MTMR7: variants seen among roughly 807,000 people sequenced by gnomAD.
The protein encoded by MTMR7 is phosphatidylinositol-3-phosphate phosphatase MTMR7.
In MTMR7, 76 loss-of-function variants were observed where a neutral mutation model predicts 81.2. The ratio of observed to expected loss-of-function variants is 0.94; its 90% CI spans 0.78 to 1.13. MTMR7 has a LOEUF of 1.13. Among genes scored for constraint, MTMR7 ranks in the 50% most tolerant of loss-of-function variants. MTMR7 has a pLI of 0.00. For synonymous variants in MTMR7, 372 were observed against 289.8 expected (o/e 1.28, Z -2.88); for missense variants, 1,044 against 820.0 (o/e 1.27, Z -3.34).
intron 5 of MTMR7, among the ~76,000 whole-genome samples, chr8:17,342,455 T>C (rs1426043825): frequency 6.6e-6 from 1 of 152,202 alleles, no homozygotes; most frequent in Non-Finnish European, 1.5e-5. Context: ...TGTCACAGCC[T>C]GTTCAGCGTG....
chr8:17,320,194 G>C (rs1818312606), intron 7 of MTMR7, among the ~76,000 whole-genome samples: 1 of 152,006 alleles, frequency 6.6e-6, no homozygotes, highest in South Asian at 2.1e-4. Flanking sequence ...CCACCAGAAA[G>C]TTTAAAATTC....
chr8:17,314,644 T>G (rs1415961212), intron 7 of MTMR7, among the ~76,000 whole-genome samples: 1 of 152,230 alleles, frequency 6.6e-6, no homozygotes, highest in Non-Finnish European at 1.5e-5. Context: ...AGTTAAATTC[T>G]GAGTCATAGA....
chr8:17,363,165 G>A (rs1220506463), intron 3 of MTMR7, among the ~76,000 whole-genome samples: 1 of 152,188 alleles, frequency 6.6e-6, no homozygotes, highest in East Asian at 1.9e-4. Context: ...CTGACAGCAT[G>A]TGAAACCTCA....
Position 17,365,895 on chromosome 8 carries a change from A to C in MTMR7, c.311-4621T>G, listed in dbSNP as rs532804753. Among the ~76,000 whole-genome samples the C allele has an allele frequency of 1.4e-4, 22 of 152,320 alleles. No homozygotes were observed. In the South Asian group the frequency reaches 4.4e-3, roughly 30 times the overall value. On this transcript the variant is annotated intron_variant, in intron 3 of 13. Transcript: ENST00000180173. ...GAGTAACAGTTTGGCTGTTTCTAGG[A>C]AGACCAAATCAGTGTTTCAGTTGAA...
At chr8:17,412,163 C>T (rs571389179) in intron 1 of MTMR7, among the ~76,000 whole-genome samples, 17 of 152,314 alleles carry the variant, frequency 1.1e-4, no homozygotes, top group African/African-American at 3.4e-4. Context: ...TAAAAGATTT[C>T]TTCTTCCAAT....
At chr8:17,392,003 G>T (rs1200323473) in intron 1 of MTMR7, among the ~76,000 whole-genome samples, 1 of 152,122 alleles carries the variant, frequency 6.6e-6, no homozygotes, top group Non-Finnish European at 1.5e-5. Flanking sequence ...CCTGGCCTAA[G>T]AAATATGGTA....
At chr8:17,409,711 G>A (rs952479683) in intron 1 of MTMR7, among the ~76,000 whole-genome samples, 1 of 152,270 alleles carries the variant, frequency 6.6e-6, no homozygotes, top group East Asian at 1.9e-4. Flanking sequence ...AAAACACAAG[G>A]TGTTATGATA....
rs369116139 is a variant in MTMR7 at position 17,348,980 on chromosome 8, G to A, written c.570C>T (p.Val190=). ...GGTTATCTTTATAATAGTAAGAAAGGACAGGAAATCGCCGTCTACTCCGGA... is the reference window on the plus strand; with the variant it reads ...GGTTATCTTTATAATAGTAAGAAAGAACAGGAAATCGCCGTCTACTCCGGA... ...SKFRSRRRFP[V]LSYYYKDNHA... is the part of the protein sequence containing the mutation. Residue 190 remains valine, a synonymous_variant, in exon 5 of 14, where the codon GTC becomes GTT. Coordinates refer to ENST00000180173, the MANE Select transcript of MTMR7 (RefSeq NM_004686.5). 8.6e-5 allele frequency: 139 copies of A among 1,613,442 alleles called. No individual in the cohort carries two copies. The highest frequency in any genetic ancestry group is 1.2e-4 in the Non-Finnish European group (137 of 1,179,962).
chr8:17,357,719 A>T (rs1819939078), intron 4 of MTMR7, among the ~76,000 whole-genome samples: 2 of 152,340 alleles, frequency 1.3e-5, no homozygotes, highest in Admixed American at 1.3e-4. Flanking sequence ...AGGCAAAGGA[A>T]TAGCAATGCC....
chr8:17,374,923 T>C (rs1419305733), intron 1 of MTMR7, among the ~76,000 whole-genome samples: 2 of 151,912 alleles, frequency 1.3e-5, no homozygotes, highest in Non-Finnish European at 2.9e-5. Flanking sequence ...ACCCCGTCTC[T>C]ACTAAAAATA....
At chr8:17,349,208 G>A in intron 4 of MTMR7, 127 bp from the exon 5 acceptor site, 2 of 1,173,190 alleles carry the variant, frequency 1.7e-6, no homozygotes, top group Non-Finnish European at 2.4e-6. Flanking sequence ...TTACAGAGGA[G>A]GCTATTTCGA....
At chr8:17,307,790 A>G (rs897734493) in intron 10 of MTMR7, among the ~76,000 whole-genome samples, 1 of 152,106 alleles carries the variant, frequency 6.6e-6, no homozygotes, top group African/African-American at 2.4e-5. Flanking sequence ...GCAAGGACAA[A>G]AAAACCAAAC....
intron 3 of MTMR7, among the ~76,000 whole-genome samples, chr8:17,367,082 TA>T (rs1563361466): frequency 6.6e-6 from 1 of 152,028 alleles, no homozygotes; most frequent in African/African-American, 2.4e-5. Flanking sequence ...TACGCTCTGA[TA>T]AAAAAGAAAT....
rs533134068 is a variant in MTMR7 at position 17,366,643 on chromosome 8, T to G, written c.310+4394A>C. Among the ~76,000 whole-genome samples the G allele has an allele frequency of 1.4e-4, 21 of 152,130 alleles. 1 individual carries two copies. Among genetic ancestry groups the G allele is most frequent in the Admixed American group, 1.4e-3 (21 of 15,286 alleles). On this transcript the variant is annotated intron_variant, in intron 3 of 13. Coordinates refer to ENST00000180173, the MANE Select transcript of MTMR7 (RefSeq NM_004686.5). ...GGCTCACGCCTGTAATCCCAGCACT[T>G]TGGGAGGCCGAGGCGGGCGGATCAT...
intron 1 of MTMR7, among the ~76,000 whole-genome samples, chr8:17,377,706 T>C (rs899294140): frequency 1.3e-5 from 2 of 152,174 alleles, no homozygotes; most frequent in African/African-American, 2.4e-5. Context: ...GGTTTTATCC[T>C]GTGAATATTA....
chr8:17,310,197 C>T (rs553227636), intron 9 of MTMR7, among the ~76,000 whole-genome samples: 2 of 151,992 alleles, frequency 1.3e-5, no homozygotes, highest in East Asian at 1.9e-4. Flanking sequence ...GACGAGGTCT[C>T]GCCATGTTGC....
intron 3 of MTMR7, among the ~76,000 whole-genome samples, chr8:17,362,368 T>C (rs909063777): frequency 7.2e-5 from 11 of 152,232 alleles, no homozygotes; most frequent in African/African-American, 2.7e-4. Context: ...CCTTGGACAG[T>C]GCAGATCTAA....
intron 1 of MTMR7, among the ~76,000 whole-genome samples, chr8:17,411,008 T>C (rs1821721713): frequency 6.6e-6 from 1 of 152,162 alleles, no homozygotes; most frequent in Non-Finnish European, 1.5e-5. Flanking sequence ...CCAAGTATAA[T>C]GGAAGCAAAT....
At chr8:17,378,716 C>A (rs139403191) in intron 1 of MTMR7, among the ~76,000 whole-genome samples, 2 of 152,186 alleles carry the variant, frequency 1.3e-5, no homozygotes, top group Non-Finnish European at 2.9e-5. Flanking sequence ...CTTGGATGTA[C>A]ATTTTTTACA....
Sources: gnomAD v4.1 joint callset for allele counts (sites outside exome capture counted in the v4.1 genomes callset) on GRCh38, gnomAD v4.1.1 for gene constraint, MANE v1.5 for transcripts, NCBI Gene and HGNC (gene_info 2026-07-23, HGNC 2026-07-21) for gene names.